CHAF1A: variants seen among roughly 807,000 people sequenced by gnomAD.
CHAF1A encodes the protein chromatin assembly factor 1 subunit A.
Under a neutral mutation model 93.2 loss-of-function variants are expected in CHAF1A, and 5 were observed. That is an observed-to-expected ratio of 0.05 (90% confidence interval 0.03 to 0.11). The LOEUF (loss-of-function observed/expected upper bound fraction) is 0.11. Ranked by LOEUF, CHAF1A falls within the 10% of genes least tolerant of loss-of-function variation. The pLI is 1.00. For synonymous variants in CHAF1A, 504 were observed against 510.3 expected (o/e 0.99, Z 0.17); for missense variants, 1,102 against 1,259.9 (o/e 0.87, Z 1.90).
At position 4,433,275 on chromosome 19, in the gene CHAF1A, C is replaced by T. The variant is rs753876615; in HGVS notation, c.2409C>T (p.Ser803=). The change falls in exon 13 of 15, where the codon TCC becomes TCT. Residue 803 remains serine (S), a synonymous_variant. Transcript: ENST00000301280. The surrounding 1 kb of genome is among the most constrained non-coding windows in gnomAD (Gnocchi z 5.6). ...AGTCCCGGCTCAAGCGGCTCATTTC[C>T]GAGAACTCAGTGTATGAGAAGCGGC... The part of the protein sequence containing the change: ...PSKSRLKRLI[S]ENSVYEKRPD... The T allele has an allele frequency of 8.1e-6, 13 of 1,614,100 alleles. No individual in the cohort carries two copies. Among genetic ancestry groups the T allele is most frequent in the African/African-American group, 1.3e-5 (1 of 74,926 alleles).
downstream of CHAF1A, chr19:4,448,346 C>T: frequency 1.2e-6 from 2 of 1,609,952 alleles, no homozygotes; most frequent in South Asian, 2.2e-5. Flanking sequence ...CCCAGCTTCA[C>T]CCGGTCCTGG....
chr19:4,430,537 T>TC lies in CHAF1A; in HGVS notation c.1855-11dup, dbSNP rs1184363051. 5.9e-6 allele frequency: 9 copies of TC among 1,536,510 alleles called. No homozygotes were observed. The highest frequency in any genetic ancestry group is 8.1e-6 in the Non-Finnish European group (9 of 1,109,814). ...TCTATCTGATGAACTCTTTTTTTTT[T>TC]CTCCTTTTGAGGATGATGATGACGA... On this transcript the variant is annotated splice_polypyrimidine_tract_variant and intron_variant, in intron 10 of 14. Coordinates refer to ENST00000301280, the MANE Select transcript of CHAF1A (RefSeq NM_005483.3).
intron 1 of CHAF1A, among the ~76,000 whole-genome samples, chr19:4,404,148 C>T (rs562207258): frequency 1.3e-5 from 2 of 152,122 alleles, no homozygotes; most frequent in East Asian, 1.9e-4. Flanking sequence ...AAAAAAAAAT[C>T]GCTACTCGCT....
chr19:4,430,059 C>T (rs1307596185), intron 10 of CHAF1A: 14 of 451,848 alleles, frequency 3.1e-5, no homozygotes, highest in Non-Finnish European at 4.0e-6. Flanking sequence ...CTCTTGCCTC[C>T]TGCGGGCCTG....
At chr19:4,429,669 C>T in intron 9 of CHAF1A, 39 bp from the exon 10 acceptor site, 1 of 1,613,898 alleles carries the variant, frequency 6.2e-7, no homozygotes, top group Non-Finnish European at 8.5e-7. Flanking sequence ...TCCTCCAGCC[C>T]CAAAGACAGT....
At chr19:4,445,555 G>A (rs61729794), downstream of CHAF1A, 100 of 1,613,700 alleles carry the variant, frequency 6.2e-5, no homozygotes, top group South Asian at 5.4e-4. Flanking sequence ...AGTCCGGCTC[G>A]GCCCCCGCGG....
chr19:4,425,706 C>A (rs1373905337), intron 7 of CHAF1A, among the ~76,000 whole-genome samples: 1 of 152,216 alleles, frequency 6.6e-6, no homozygotes, highest in African/African-American at 2.4e-5. Context: ...TGCTTCTCTG[C>A]ACACATGCAT....
chr19:4,432,288 G>C (rs1461551058), intron 12 of CHAF1A, 81 bp downstream of exon 12: 2 of 1,446,318 alleles, frequency 1.4e-6, no homozygotes, highest in Non-Finnish European at 1.8e-6. Context: ...TCACAGGCTA[G>C]TGGGTCCGTG....
At position 4,423,877 on chromosome 19, in the gene CHAF1A, G is replaced by A. The variant is rs1185824652; in HGVS notation, c.1377+3G>A. On this transcript the variant is annotated splice_donor_region_variant and intron_variant, in intron 7 of 14. Transcript: ENST00000301280. ...CAAAGACTCCACAGGCCCCCAAGGTGAGCAGCCGGCTGCCTTTGCTTTTGG... is the reference window on the plus strand; with the variant it reads ...CAAAGACTCCACAGGCCCCCAAGGTAAGCAGCCGGCTGCCTTTGCTTTTGG... The A allele has an allele frequency of 6.2e-7, 1 of 1,613,896 alleles. No individual in the cohort carries two copies. The highest frequency in any genetic ancestry group is 1.3e-5 in the African/African-American group (1 of 75,012).
At chr19:4,410,792 A>G (rs243348) in intron 3 of CHAF1A, among the ~76,000 whole-genome samples, 49,976 of 152,016 alleles carry the variant, frequency 0.33, 8,702 homozygotes, top group East Asian at 0.59. Context: ...TGGAGGCCGC[A>G]GCGAGCTATG....
In CHAF1A at chr19:4,433,420, G is replaced by A. The variant is rs577677696; in HGVS notation, c.2554G>A (p.Asp852Asn). The change falls in exon 13 of 15, where the codon GAC (aspartate) becomes AAC (asparagine). Residue 852 changes from aspartate to asparagine, a missense_variant. Asp to Asn is a conservative substitution (Grantham distance 23). This residue lies in a region of CHAF1A where 76 missense variants were observed against 129.8 expected (regional missense o/e 0.59). Transcript: ENST00000301280. The surrounding 1 kb of genome is among the most constrained non-coding windows in gnomAD (Gnocchi z 5.6). ...ATCGGTGCCCTCGGCCCCCAAAGAG[G>A]ACAGTGGCAGCGTCCCCTCCACGGG... ...VTSVPSAPKEDSGSVPSTGPS... is the reference protein window; with the variant it reads ...VTSVPSAPKENSGSVPSTGPS... 4 of 1,611,408 alleles carry A rather than the reference G, an allele frequency of 2.5e-6. No homozygotes were observed. The highest frequency in any genetic ancestry group is 2.2e-5 in the South Asian group (2 of 91,054).
At position 4,423,826 on chromosome 19, in the gene CHAF1A, C is replaced by T. The variant is rs780990253; in HGVS notation, c.1329C>T (p.Ala443=). 1.5e-5 allele frequency: 25 copies of T among 1,614,126 alleles called. No homozygotes were observed. In the East Asian group the frequency reaches 2.7e-4, roughly 17 times the overall value. Residue 443 remains alanine, a synonymous_variant, in exon 7 of 15, where the codon GCC becomes GCT. Transcript: ENST00000301280. ...EEEKRIKAEK[A]EITRFFQKPK... is the part of the protein sequence containing the mutation. ...CACAGCGCATTAAAGCAGAGAAGGC[C>T]GAAATCACGAGGTTCTTCCAGAAAC...
intron 7 of CHAF1A, among the ~76,000 whole-genome samples, chr19:4,426,377 C>T (rs545048530): frequency 2.0e-5 from 3 of 152,030 alleles, no homozygotes; most frequent in Admixed American, 1.3e-4. Context: ...ACCGTGTTGG[C>T]CAGGATGGTC....
downstream of CHAF1A, chr19:4,446,592 G>A (rs1974530708): frequency 6.2e-7 from 1 of 1,612,556 alleles, no homozygotes; most frequent in Admixed American, 1.7e-5. Context: ...AGGGCTGGAA[G>A]ACGCGGCGCT....
intron 13 of CHAF1A, among the ~76,000 whole-genome samples, chr19:4,438,545 C>T (rs1194902478): frequency 1.3e-5 from 2 of 152,054 alleles, no homozygotes; most frequent in African/African-American, 2.4e-5. Flanking sequence ...GGCATTCTGA[C>T]CTAGTGGGGT....
intron 10 of CHAF1A, 68 bp from the exon 11 acceptor site, chr19:4,430,481 T>C: frequency 8.9e-7 from 1 of 1,121,668 alleles, no homozygotes; most frequent in Non-Finnish European, 1.4e-6. Context: ...CCTGGCCTAC[T>C]TTGTTTTTAA....
intron 3 of CHAF1A, among the ~76,000 whole-genome samples, chr19:4,412,773 C>T (rs1055361288): frequency 5.3e-5 from 8 of 152,206 alleles, no homozygotes; most frequent in African/African-American, 7.2e-5. Context: ...TTTTGGGATG[C>T]ACTTGAAGGC....
chr19:4,446,204 A>C, downstream of CHAF1A: 1 of 1,597,750 alleles, frequency 6.3e-7, no homozygotes. Flanking sequence ...GTGCCTGGGG[A>C]GTGGGGGAGT....
chr19:4,448,327 G>A, downstream of CHAF1A: 4 of 1,606,812 alleles, frequency 2.5e-6, no homozygotes, highest in Non-Finnish European at 3.4e-6. Context: ...CTTGGCAATG[G>A]TGTCCACACC....
Sources: allele counts gnomAD v4.1 joint callset (sites outside exome capture counted in the v4.1 genomes callset), GRCh38; gene constraint gnomAD v4.1.1; regional missense constraint gnomAD v4.1.1; non-coding constraint Gnocchi (gnomAD v3.1); transcripts MANE v1.5; gene names NCBI Gene and HGNC (gene_info 2026-07-23, HGNC 2026-07-21).